LINGO2: variants seen among roughly 807,000 people sequenced by gnomAD.
LINGO2 encodes leucine-rich repeat and immunoglobulin-like domain-containing nogo receptor-interacting protein 2.
Under a neutral mutation model 30.6 loss-of-function variants are expected in LINGO2, and 14 were observed. That is an observed-to-expected ratio of 0.46 (90% confidence interval 0.30 to 0.72). The LOEUF is 0.72. Among genes scored for constraint, LINGO2 ranks in the 30% least tolerant of loss-of-function variants. The pLI is 0.07. For synonymous variants in LINGO2, 317 were observed against 288.5 expected (o/e 1.10, Z -1.00); for missense variants, 729 against 751.7 (o/e 0.97, Z 0.35).
At chr9:28,820,703 G>A in the LINGO2 span, among the ~76,000 whole-genome samples, 1 of 152,286 alleles carries the variant, frequency 6.6e-6, no homozygotes, top group African/African-American at 2.4e-5. Flanking sequence ...TAGCAGTCCT[G>A]GGGCCATTGT....
the LINGO2 span, among the ~76,000 whole-genome samples, chr9:28,876,575 T>G: frequency 6.6e-6 from 1 of 152,190 alleles, no homozygotes; most frequent in Non-Finnish European, 1.5e-5. Flanking sequence ...ACAAAGGACA[T>G]GAGCTCATCA....
At chr9:28,551,806 G>C (rs978983548) in intron 1 of LINGO2, among the ~76,000 whole-genome samples, 24 of 151,886 alleles carry the variant, frequency 1.6e-4, no homozygotes, top group South Asian at 2.1e-4. Context: ...ACACCACTTT[G>C]GCAGACCTTG....
At chr9:29,134,649 G>A in the LINGO2 span, among the ~76,000 whole-genome samples, 6 of 152,182 alleles carry the variant, frequency 3.9e-5, no homozygotes, top group East Asian at 1.9e-4. Flanking sequence ...AACATTCTTA[G>A]AAAGTTACAT....
the LINGO2 span, among the ~76,000 whole-genome samples, chr9:28,735,106 C>T: frequency 1.3e-5 from 2 of 151,944 alleles, no homozygotes; most frequent in East Asian, 3.9e-4. Context: ...AAGATTTATA[C>T]TCTTTCTAGT....
chr9:28,551,228 C>G (rs1822262979), intron 1 of LINGO2, among the ~76,000 whole-genome samples: 1 of 151,796 alleles, frequency 6.6e-6, no homozygotes, highest in Non-Finnish European at 1.5e-5. Flanking sequence ...AGGCCCATCT[C>G]TTAGAATTTA....
At chr9:28,630,218 AT>A (rs1054148805) in intron 1 of LINGO2, among the ~76,000 whole-genome samples, 17 of 152,196 alleles carry the variant, frequency 1.1e-4, no homozygotes, top group Admixed American at 2.6e-4. Context: ...TAATAAAAAA[AT>A]AAATACAAAA....
At chr9:29,183,590 G>A in the LINGO2 span, among the ~76,000 whole-genome samples, 9 of 152,120 alleles carry the variant, frequency 5.9e-5, no homozygotes, top group East Asian at 7.7e-4. Flanking sequence ...CTTTTCTCGG[G>A]TTCATTCATT....
chr9:28,488,717 G>T (rs1191471689), intron 1 of LINGO2, among the ~76,000 whole-genome samples: 1 of 152,076 alleles, frequency 6.6e-6, no homozygotes, highest in Non-Finnish European at 1.5e-5. Context: ...TTATTAAGTA[G>T]TATCTCCAAG....
At chr9:29,170,552 A>G in the LINGO2 span, among the ~76,000 whole-genome samples, 1 of 152,290 alleles carries the variant, frequency 6.6e-6, no homozygotes, top group Non-Finnish European at 1.5e-5. Flanking sequence ...CTATATATCT[A>G]TATAACACAA....
At chr9:28,758,977 T>C in the LINGO2 span, among the ~76,000 whole-genome samples, 7 of 152,096 alleles carry the variant, frequency 4.6e-5, no homozygotes, top group South Asian at 1.0e-3. Context: ...GTTATCTTTA[T>C]AGAGCATGTG....
At chr9:27,979,437 C>T (rs909651823) in intron 5 of LINGO2, among the ~76,000 whole-genome samples, 1 of 151,958 alleles carries the variant, frequency 6.6e-6, no homozygotes, top group Non-Finnish European at 1.5e-5. Flanking sequence ...CAGGGGCAGT[C>T]AGTTCTTATT....
the LINGO2 span, among the ~76,000 whole-genome samples, chr9:28,713,447 A>G: frequency 1.3e-5 from 2 of 152,140 alleles, no homozygotes; most frequent in Non-Finnish European, 2.9e-5. Flanking sequence ...TTATGATCAT[A>G]TGACTATGCT....
intron 5 of LINGO2, among the ~76,000 whole-genome samples, chr9:27,961,330 G>A (rs576206880): frequency 9.2e-5 from 14 of 152,176 alleles, no homozygotes; most frequent in South Asian, 8.3e-4. Flanking sequence ...CTTTAATATC[G>A]AATTGCTTCA....
chr9:28,148,976 C>T lies in LINGO2; in HGVS notation c.-86-136571G>A, dbSNP rs1319879832. The T allele has an allele frequency of 1.3e-5, 20 of 1,534,172 alleles. No individual in the cohort carries two copies. The highest frequency in any genetic ancestry group is 1.7e-5 in the Non-Finnish European group (20 of 1,146,790). ...CCACAAAAGAAAACTGTCGGGGCCA[C>T]CGCTGCAGCTGCAACCGACCCCTCC... On this transcript the variant is annotated intron_variant, in intron 4 of 5. Transcript: ENST00000379992. The surrounding 1 kb of genome is among the most constrained non-coding windows in gnomAD (Gnocchi z 5.1).
intron 3 of LINGO2, among the ~76,000 whole-genome samples, chr9:28,345,476 C>T (rs573384953): frequency 6.6e-6 from 1 of 152,010 alleles, no homozygotes; most frequent in South Asian, 2.1e-4. Context: ...CCTATTGCAG[C>T]TTTATATCAA....
intron 2 of LINGO2, among the ~76,000 whole-genome samples, chr9:28,472,477 G>C (rs925495600): frequency 6.6e-6 from 1 of 151,944 alleles, no homozygotes; most frequent in African/African-American, 2.4e-5. Flanking sequence ...AAAAGAAACT[G>C]TCAGACCGAA....
At chr9:28,347,836 C>T (rs1239593535) in intron 3 of LINGO2, among the ~76,000 whole-genome samples, 3 of 152,118 alleles carry the variant, frequency 2.0e-5, no homozygotes, top group African/African-American at 7.2e-5. Flanking sequence ...ATTACAAATG[C>T]CCTGAGTGCT....
chr9:28,029,497 G>A (rs1424442552), intron 4 of LINGO2, among the ~76,000 whole-genome samples: 1 of 152,152 alleles, frequency 6.6e-6, no homozygotes, highest in Non-Finnish European at 1.5e-5. Flanking sequence ...CTTTGATATT[G>A]AGAGGCAGGT....
intron 1 of LINGO2, among the ~76,000 whole-genome samples, chr9:28,553,605 C>A (rs1246325917): frequency 1.3e-5 from 2 of 152,036 alleles, no homozygotes; most frequent in Non-Finnish European, 2.9e-5. Flanking sequence ...CTTCCTCAAC[C>A]TAGCAAGGCA....
Sources: allele counts gnomAD v4.1 joint callset (sites outside exome capture counted in the v4.1 genomes callset), GRCh38; gene constraint gnomAD v4.1.1; non-coding constraint Gnocchi (gnomAD v3.1); transcripts MANE v1.5; gene names NCBI Gene and HGNC (gene_info 2026-07-23, HGNC 2026-07-21).